The following SNTG1 variants were observed in gnomAD, a reference collection of about 807,000 sequenced individuals.
SNTG1 encodes the protein syntrophin gamma 1.
In SNTG1, 39 loss-of-function variants were observed where a neutral mutation model predicts 74.7. That is an observed-to-expected ratio of 0.52 (90% CI 0.40 to 0.68). SNTG1 has a LOEUF of 0.68. SNTG1 is among the 30% of genes least tolerant of loss of function. The pLI is 0.00. For synonymous variants in SNTG1, 254 were observed against 217.1 expected (o/e 1.17, Z -1.49); for missense variants, 685 against 609.5 (o/e 1.12, Z -1.30).
chr8:50,054,031 G>T (rs931635092), intron 1 of SNTG1, among the ~76,000 whole-genome samples: 1 of 152,000 alleles, frequency 6.6e-6, no homozygotes, highest in African/African-American at 2.4e-5. Flanking sequence ...GTAAGAAGTG[G>T]CATTTAAATT....
chr8:50,204,908 T>C (rs894362572), intron 2 of SNTG1, among the ~76,000 whole-genome samples: 1 of 152,216 alleles, frequency 6.6e-6, no homozygotes, highest in Non-Finnish European at 1.5e-5. Flanking sequence ...CTCATCCTTT[T>C]TTATGGCTGC....
At chr8:49,958,302 G>A (rs901659827) in intron 1 of SNTG1, among the ~76,000 whole-genome samples, 1 of 152,156 alleles carries the variant, frequency 6.6e-6, no homozygotes, top group Non-Finnish European at 1.5e-5. Context: ...GTGGAAAAAT[G>A]ATGTCCATTT....
intron 2 of SNTG1, among the ~76,000 whole-genome samples, chr8:50,347,144 C>T (rs1252824311): frequency 1.3e-5 from 2 of 152,178 alleles, no homozygotes; most frequent in East Asian, 1.9e-4. Context: ...TAATATCTGG[C>T]TTCAAAGCTT....
intron 1 of SNTG1, among the ~76,000 whole-genome samples, chr8:50,082,081 A>C (rs1356039419): frequency 6.6e-6 from 1 of 152,150 alleles, no homozygotes; most frequent in East Asian, 1.9e-4. Context: ...TGTCCATTTT[A>C]ACTCCAGAAT....
chr8:50,353,575 A>C (rs545195701), intron 2 of SNTG1, among the ~76,000 whole-genome samples: 2 of 152,274 alleles, frequency 1.3e-5, no homozygotes, highest in African/African-American at 4.8e-5. Context: ...CACTTTTATG[A>C]GATATGACAA....
intron 1 of SNTG1, among the ~76,000 whole-genome samples, chr8:50,000,833 A>G (rs1814676936): frequency 6.6e-6 from 1 of 152,206 alleles, no homozygotes; most frequent in Non-Finnish European, 1.5e-5. Flanking sequence ...TCCTGTCAGT[A>G]GCAGACAAAT....
chr8:50,527,593 T>A (rs2094231959), intron 9 of SNTG1, among the ~76,000 whole-genome samples: 1 of 152,036 alleles, frequency 6.6e-6, no homozygotes, highest in South Asian at 2.1e-4. Context: ...TTCCACTAAT[T>A]TACATGTCTA....
chr8:50,110,822 C>T (rs1295299989), intron 1 of SNTG1, among the ~76,000 whole-genome samples: 1 of 151,888 alleles, frequency 6.6e-6, no homozygotes, highest in Non-Finnish European at 1.5e-5. Context: ...ATTTTATGTA[C>T]AAAAATTGGC....
intron 1 of SNTG1, among the ~76,000 whole-genome samples, chr8:50,077,889 T>A (rs961050785): frequency 6.6e-6 from 1 of 152,182 alleles, no homozygotes; most frequent in Admixed American, 6.5e-5. Flanking sequence ...AACTCTTACC[T>A]TTAGGTCTTT....
At chr8:50,453,455 C>G (rs118142839) in intron 8 of SNTG1, among the ~76,000 whole-genome samples, 2,857 of 152,272 alleles carry the variant, frequency 0.019, 49 homozygotes, top group South Asian at 0.073. Flanking sequence ...TGAAAGGAAA[C>G]TAGAACCAGT....
intron 2 of SNTG1, among the ~76,000 whole-genome samples, chr8:50,290,839 C>A (rs1177460897): frequency 6.6e-6 from 1 of 152,016 alleles, no homozygotes; most frequent in Non-Finnish European, 1.5e-5. Flanking sequence ...GGGCTCACTG[C>A]AGCCTTGACT....
chr8:50,417,380 C>A (rs1329286204), intron 4 of SNTG1, among the ~76,000 whole-genome samples: 1 of 152,120 alleles, frequency 6.6e-6, no homozygotes, highest in African/African-American at 2.4e-5. Context: ...TCAAAAGGCA[C>A]CTATGTGATC....
intron 1 of SNTG1, among the ~76,000 whole-genome samples, chr8:49,996,339 A>G (rs1814214448): frequency 6.6e-6 from 1 of 151,864 alleles, no homozygotes; most frequent in Non-Finnish European, 1.5e-5. Context: ...TAAGTGTATC[A>G]AGGTAAAAAA....
intron 1 of SNTG1, among the ~76,000 whole-genome samples, chr8:50,077,401 T>G (rs961711317): frequency 1.3e-5 from 2 of 152,186 alleles, no homozygotes; most frequent in African/African-American, 4.8e-5. Context: ...CTTTATCTTC[T>G]TCAGAGCAAT....
chr8:50,107,142 C>A (rs2080403552), intron 1 of SNTG1, among the ~76,000 whole-genome samples: 1 of 152,160 alleles, frequency 6.6e-6, no homozygotes, highest in South Asian at 2.1e-4. Context: ...TTAATGTCCA[C>A]TAAAGTAAGT....
At chr8:50,098,044 A>G (rs1048509088) in intron 1 of SNTG1, among the ~76,000 whole-genome samples, 7 of 152,162 alleles carry the variant, frequency 4.6e-5, no homozygotes, top group Admixed American at 2.0e-4. Context: ...AAATCTTATA[A>G]TTGTCATTAT....
chr8:50,221,512 TACAC>T (rs71550218), intron 2 of SNTG1, among the ~76,000 whole-genome samples: 29,895 of 129,982 alleles, frequency 0.23, 3,171 homozygotes, highest in Middle Eastern at 0.31. Context: ...AACACACACA[TACAC>T]ACACACACAC....
chr8:50,716,307 T>C (rs2095474903), intron 17 of SNTG1, among the ~76,000 whole-genome samples: 2 of 152,182 alleles, frequency 1.3e-5, no homozygotes, highest in South Asian at 4.1e-4. Flanking sequence ...ATGAATTCTT[T>C]CTTGAAATGT....
chr8:50,334,930 T>A (rs947313306), intron 2 of SNTG1, among the ~76,000 whole-genome samples: 1 of 152,202 alleles, frequency 6.6e-6, no homozygotes. Context: ...TGGGAATGTG[T>A]TCATGCCCAA....
Sources: gnomAD v4.1 joint callset for allele counts (sites outside exome capture counted in the v4.1 genomes callset) on GRCh38, gnomAD v4.1.1 for gene constraint, MANE v1.5 for transcripts, NCBI Gene and HGNC (gene_info 2026-07-23, HGNC 2026-07-21) for gene names.